Variants in RIPK1 observed in about 807,000 individuals in gnomAD.
The protein encoded by RIPK1 is receptor-interacting serine/threonine-protein kinase 1.
In RIPK1, 27 loss-of-function variants were observed where a neutral mutation model predicts 62.4. The ratio of observed to expected loss-of-function variants is 0.43; its 90% CI spans 0.32 to 0.60. The LOEUF (loss-of-function observed/expected upper bound fraction) is 0.60. Among genes scored for constraint, RIPK1 ranks in the 20% least tolerant of loss-of-function variants. The pLI is 0.07. For missense variants in RIPK1, 735 were observed against 831.0 expected (o/e 0.88, Z 1.42); for synonymous variants, 287 against 303.2 (o/e 0.95, Z 0.55).
Position 3,105,814 on chromosome 6 carries a change from A to G in RIPK1, c.1339A>G (p.Asn447Asp), listed in dbSNP as rs754231319. 5.6e-6 allele frequency: 9 copies of G among 1,614,176 alleles called. No individual in the cohort carries two copies. The East Asian group carries it at 1.1e-4, about 20-fold the overall frequency. Residue 447 changes from asparagine to aspartate, a missense_variant, in exon 9 of 11, where the codon AAT becomes GAT. By Grantham distance (23) the Asn-to-Asp change is conservative. This residue lies in a region of RIPK1 where 671 missense variants were observed against 726.2 expected (regional missense o/e 0.92). Coordinates refer to ENST00000259808, the MANE Select transcript of RIPK1 (RefSeq NM_001354930.2). The surrounding 1 kb of genome is among the most constrained non-coding windows in gnomAD (Gnocchi z 4.5). ...TAYSSAASHG[N>D]AVHQPSGLTS... ...TTATTCCAGTGCAGCCAGTCATGGT[A>G]ATGCAGTGCACCAGCCCTCAGGGCT...
chr6:3,076,260 G>A, intron 1 of RIPK1, among the ~76,000 whole-genome samples: 1 of 152,264 alleles, frequency 6.6e-6, no homozygotes. Context: ...AAATATTATA[G>A]TCTTCTCTGA....
chr6:3,077,098 C>G (rs947902280), intron 2 of RIPK1, 111 bp downstream of exon 2: 2 of 986,422 alleles, frequency 2.0e-6, no homozygotes, highest in Non-Finnish European at 2.9e-6. Context: ...TGAGAGGGAG[C>G]CTGCCAAGAT....
intron 2 of RIPK1, 43 bp downstream of exon 2, chr6:3,077,030 A>T (rs746701233): frequency 1.3e-6 from 2 of 1,537,300 alleles, no homozygotes; most frequent in South Asian, 1.2e-5. Context: ...TCTGAGCGGG[A>T]TGGGGACGTT....
chr6:3,087,791 G>T (rs376931067), intron 6 of RIPK1, among the ~76,000 whole-genome samples: 1 of 43,552 alleles, frequency 2.3e-5, no homozygotes, highest in East Asian at 6.3e-4. Flanking sequence ...AGCCCGCCTC[G>T]GCCTCCCAAA....
intron 1 of RIPK1, chr6:3,068,999 A>G (rs962150145): frequency 2.0e-5 from 3 of 152,294 alleles, no homozygotes; most frequent in Middle Eastern, 3.4e-3. Context: ...CGCTCCCGGA[A>G]GTCAGGGGTG....
intron 3 of RIPK1, among the ~76,000 whole-genome samples, chr6:3,079,378 G>T (rs1759262230): frequency 6.6e-6 from 1 of 152,206 alleles, no homozygotes; most frequent in South Asian, 2.1e-4. Flanking sequence ...GTTCCCAGCT[G>T]ATGGTGTTTT....
chr6:3,067,598 G>GT (rs34610901), upstream of RIPK1, among the ~76,000 whole-genome samples: 9,134 of 151,268 alleles, frequency 0.06, 869 homozygotes, highest in African/African-American at 0.2. Flanking sequence ...TTTTAAGAGG[G>GT]TTTTTTTTGG....
chr6:3,099,555 C>CAA (rs1443692691), intron 7 of RIPK1, among the ~76,000 whole-genome samples: 1 of 151,922 alleles, frequency 6.6e-6, no homozygotes, highest in Non-Finnish European at 1.5e-5. Context: ...AAAAAACAAA[C>CAA]AAAAAAACCA....
rs187706257 is a variant in RIPK1 at position 3,079,098 on chromosome 6, T to G, written c.321+1163T>G. 8.8e-3 allele frequency among the ~76,000 whole-genome samples: 1,335 copies of G among 151,342 alleles called. 13 individuals are homozygous for G. Among genetic ancestry groups the G allele is most frequent in the Middle Eastern group, 0.027 (8 of 292 alleles). ...CAGCTGTGTGGTGGTATTTTTTTTT[T>G]TAGAGGAGTCTCGCTCTGTCGCCCA... On this transcript the variant is annotated intron_variant, in intron 3 of 10. Transcript: ENST00000259808.
chr6:3,098,404 A>G (rs776284923), intron 7 of RIPK1, among the ~76,000 whole-genome samples: 10 of 152,226 alleles, frequency 6.6e-5, no homozygotes, highest in Non-Finnish European at 1.3e-4. Flanking sequence ...GAGAAATGCA[A>G]ATTAAAACCA....
rs189101109 is a variant in RIPK1, at chr6:3,072,953, G to A, written c.-60-3811G>A. 5.3e-5 allele frequency among the ~76,000 whole-genome samples: 8 copies of A among 152,260 alleles called. No individual in the cohort carries two copies. The East Asian group carries it at 1.5e-3, about 29-fold the overall frequency. ...ATTCTCACTAGGATTGGTCAGTAGG[G>A]CCCTGCTGACAGAGTGATCCCAGCT... On this transcript the variant is annotated intron_variant, in intron 1 of 10. Coordinates refer to ENST00000259808, the MANE Select transcript of RIPK1 (RefSeq NM_001354930.2). The surrounding 1 kb of genome is among the most constrained non-coding windows in gnomAD (Gnocchi z 5.6).
chr6:3,074,955 C>T (rs923053126), intron 1 of RIPK1, among the ~76,000 whole-genome samples: 2 of 152,226 alleles, frequency 1.3e-5, no homozygotes, highest in Non-Finnish European at 2.9e-5. Flanking sequence ...GCTGGGATTA[C>T]AGACGTGAGC....
chr6:3,111,042 T>C, intron 10 of RIPK1, 87 bp downstream of exon 10: 1 of 926,710 alleles, frequency 1.1e-6, no homozygotes, highest in South Asian at 3.2e-5. Flanking sequence ...AAAATTTCTC[T>C]GATAATTCTT....
intron 7 of RIPK1, among the ~76,000 whole-genome samples, chr6:3,099,146 A>T (rs1313895096): frequency 6.6e-6 from 1 of 152,254 alleles, no homozygotes; most frequent in Non-Finnish European, 1.5e-5. Context: ...AAAGAAAAAG[A>T]TTATTGTATA....
At position 3,114,824 on chromosome 6, in the gene RIPK1, A is replaced by T. The variant is rs114155161; in HGVS notation, c.*1485A>T. ...AGATGCCAGGGGCACTGTTCTCCCC[A>T]GCCCCCCGCCCCAGTTGTGACAATA... On this transcript the variant is annotated 3_prime_UTR_variant, in exon 11 of 11. Transcript: ENST00000259808. The surrounding 1 kb of genome is among the most constrained non-coding windows in gnomAD (Gnocchi z 5.0). The T allele has an allele frequency of 1.5e-5, 2 of 131,052 alleles. No homozygotes were observed. Among genetic ancestry groups the T allele is most frequent in the African/African-American group, 5.6e-5 (2 of 35,522 alleles). 8.1% of individuals were successfully genotyped at this position (131,052 alleles called of 1,614,324 possible).
Position 3,081,056 on chromosome 6 carries a change from C to G in RIPK1, c.399C>G (p.Gly133=), listed in dbSNP as rs781683197. ...IEGMCYLHGK[G]VIHKDLKPEN... ...GAATGTGCTACTTACATGGAAAAGG[C>G]GTGATACACAAGGACCTGAAGCCTG... Residue 133 remains glycine, a synonymous_variant, in exon 4 of 11, where the codon GGC becomes GGG. Transcript: ENST00000259808. The G allele has an allele frequency of 1.2e-6, 2 of 1,614,044 alleles. No homozygotes were observed. The highest frequency in any genetic ancestry group is 1.7e-6 in the Non-Finnish European group (2 of 1,179,904).
At chr6:3,073,212 T>C (rs1254140445) in intron 1 of RIPK1, among the ~76,000 whole-genome samples, 1 of 139,690 alleles carries the variant, frequency 7.2e-6, no homozygotes, top group Non-Finnish European at 1.6e-5. Flanking sequence ...CATACAAATA[T>C]GTGTATATAT....
chr6:3,103,792 G>C (rs1760698536), intron 7 of RIPK1, among the ~76,000 whole-genome samples: 1 of 152,136 alleles, frequency 6.6e-6, no homozygotes, highest in Non-Finnish European at 1.5e-5. Context: ...TTGATCCATT[G>C]TGAGTTAATT....
intron 7 of RIPK1, among the ~76,000 whole-genome samples, chr6:3,103,547 C>T (rs1461341689): frequency 6.6e-6 from 1 of 152,212 alleles, no homozygotes; most frequent in African/African-American, 2.4e-5. Context: ...TGGGATCCAC[C>T]TGCCTTGGCC....
Sources: gnomAD v4.1 joint callset for allele counts (sites outside exome capture counted in the v4.1 genomes callset) on GRCh38, gnomAD v4.1.1 for gene constraint, gnomAD v4.1.1 regional missense constraint, Gnocchi (gnomAD v3.1) non-coding constraint, MANE v1.5 for transcripts, NCBI Gene and HGNC (gene_info 2026-07-23, HGNC 2026-07-21) for gene names.